The following ADGRL2 variants were observed in gnomAD, a reference collection of about 807,000 sequenced individuals.
The protein encoded by ADGRL2 is calcium-independent alpha-latrotoxin receptor 2.
In ADGRL2, 44 loss-of-function variants were observed where a neutral mutation model predicts 157.4. That is an observed-to-expected ratio of 0.28 (90% CI 0.22 to 0.36). The LOEUF (loss-of-function observed/expected upper bound fraction) is 0.36. ADGRL2 is among the 10% of genes least tolerant of loss of function. ADGRL2 has a pLI of 1.00. For missense variants in ADGRL2, 1,510 were observed against 1,768.9 expected (o/e 0.85, Z 2.63); for synonymous variants, 585 against 624.7 (o/e 0.94, Z 0.95).
At chr1:81,606,486 T>G (rs1274195880) in intron 3 of ADGRL2, among the ~76,000 whole-genome samples, 1 of 121,532 alleles carries the variant, frequency 8.2e-6, no homozygotes, top group Non-Finnish European at 1.7e-5. Flanking sequence ...GATACACAGG[T>G]TCATGCACAT....
intron 2 of ADGRL2, among the ~76,000 whole-genome samples, chr1:81,790,966 T>G (rs1263697897): frequency 2.2e-5 from 3 of 138,122 alleles, no homozygotes; most frequent in Non-Finnish European, 3.0e-5. Context: ...TTGTGGAGGA[T>G]GGGGTGGGAG....
intron 1 of ADGRL2, among the ~76,000 whole-genome samples, chr1:81,387,484 T>C (rs1166907204): frequency 6.6e-6 from 1 of 152,190 alleles, no homozygotes; most frequent in Non-Finnish European, 1.5e-5. Context: ...TAGAAGGCAC[T>C]GTTCACATGC....
At chr1:81,309,213 G>A (rs7553397) in intron 1 of ADGRL2, among the ~76,000 whole-genome samples, 87,177 of 151,766 alleles carry the variant, frequency 0.57, 25,487 homozygotes, top group Non-Finnish European at 0.64. Flanking sequence ...GAAGGATTCT[G>A]TAATACCGTA....
At chr1:81,797,887 T>G (rs1274650357), upstream of ADGRL2, among the ~76,000 whole-genome samples, 4 of 152,182 alleles carry the variant, frequency 2.6e-5, no homozygotes, top group Admixed American at 6.5e-5. Context: ...GAGTTCCTTC[T>G]GTTTTCTTTG....
intron 11 of ADGRL2, among the ~76,000 whole-genome samples, chr1:81,962,198 A>G (rs1655650482): frequency 6.6e-6 from 1 of 152,190 alleles, no homozygotes; most frequent in African/African-American, 2.4e-5. Context: ...ACACTTTATT[A>G]TTGACATAAC....
chr1:81,769,339 A>T (rs2086262421), intron 2 of ADGRL2, among the ~76,000 whole-genome samples: 1 of 152,120 alleles, frequency 6.6e-6, no homozygotes, highest in Non-Finnish European at 1.5e-5. Flanking sequence ...TTGCATTTCT[A>T]CATTTAAGTA....
At chr1:81,710,611 C>T (rs2083894625) in intron 1 of ADGRL2, among the ~76,000 whole-genome samples, 1 of 135,830 alleles carries the variant, frequency 7.4e-6, no homozygotes, top group Admixed American at 8.0e-5. Context: ...CAGAGAGAGA[C>T]TCTGCTCAAA....
chr1:81,801,160 A>T (rs1049872319), intron 1 of ADGRL2, among the ~76,000 whole-genome samples, 92 bp downstream of exon 1: 1 of 152,170 alleles, frequency 6.6e-6, no homozygotes, highest in African/African-American at 2.4e-5. Context: ...ATTGGGCGAC[A>T]ATGAGTTATA....
chr1:81,860,561 C>G (rs1180752409), intron 2 of ADGRL2, among the ~76,000 whole-genome samples: 1 of 152,068 alleles, frequency 6.6e-6, no homozygotes, highest in Non-Finnish European at 1.5e-5. Flanking sequence ...TGAGTTCAGT[C>G]ACTTAGATCT....
intron 3 of ADGRL2, among the ~76,000 whole-genome samples, chr1:81,936,324 T>C (rs2095309988): frequency 6.6e-6 from 1 of 151,924 alleles, no homozygotes; most frequent in South Asian, 2.1e-4. Flanking sequence ...TGTTTAGTTA[T>C]AGGACCATTT....
rs1487938499 is a variant in ADGRL2 at position 81,890,891 on chromosome 1, T to C, written c.74-16126T>C. ...ATTGTTCCCACAAAGGGGACAGAAT[T>C]TCTGTTATTCTCCTGGGCCGAGTGC... On this transcript the variant is annotated intron_variant, in intron 2 of 23. Coordinates refer to ENST00000686636, the MANE Select transcript of ADGRL2 (RefSeq NM_001366006.2). Among the ~76,000 whole-genome samples the C allele has an allele frequency of 2.6e-5, 4 of 152,236 alleles. No individual in the cohort carries two copies. In the East Asian group the frequency reaches 5.8e-4, roughly 22 times the overall value.
chr1:81,990,652 G>A lies in ADGRL2; in HGVS notation c.3917G>A (p.Ser1306Asn). 1 of 1,614,204 alleles carries A rather than the reference G, an allele frequency of 6.2e-7. No homozygotes were observed. Among genetic ancestry groups the A allele is most frequent in the South Asian group, 1.1e-5 (1 of 91,086 alleles). The change falls in exon 24 of 24, where the codon AGT becomes AAT. Residue 1306 changes from serine (S) to asparagine (N), a missense_variant. Around this residue, in one of 4 missense-constraint regions of ADGRL2, gnomAD observed 327 missense variants for 310.1 expected, o/e 1.05. Transcript: ENST00000686636. ...PVKPVIGGSS[S>N]EDDAIVADAS... is the part of the protein sequence containing the mutation. The stretch of plus-strand genomic sequence containing the variant: ...AAACCTGTGATTGGAGGTAGCAGCA[G>A]TGAAGATGATGCTATTGTGGCAGAT...
chr1:81,465,399 ATAAG>A (rs550397017), intron 2 of ADGRL2, among the ~76,000 whole-genome samples: 179 of 152,296 alleles, frequency 1.2e-3, no homozygotes, highest in African/African-American at 3.8e-3. Flanking sequence ...TAATATATAA[ATAAG>A]TAAAAGAAAC....
chr1:81,323,107 C>T (rs1324237908), intron 1 of ADGRL2, among the ~76,000 whole-genome samples: 1 of 152,192 alleles, frequency 6.6e-6, no homozygotes. Context: ...ATCTACCCAA[C>T]TTGGCCTCCC....
chr1:81,776,942 G>A (rs949369617), intron 2 of ADGRL2, among the ~76,000 whole-genome samples: 15 of 152,096 alleles, frequency 9.9e-5, no homozygotes, highest in African/African-American at 3.1e-4. Flanking sequence ...TAACACTGTC[G>A]CTAGCACAGT....
intron 3 of ADGRL2, among the ~76,000 whole-genome samples, chr1:81,925,490 C>T (rs762678407): frequency 8.1e-5 from 12 of 148,872 alleles, no homozygotes; most frequent in Non-Finnish European, 1.6e-4. Flanking sequence ...AGTATGTGAA[C>T]ATGAAAGTTG....
At chr1:81,936,593 T>G in intron 3 of ADGRL2, 135 bp from the exon 4 acceptor site, 2 of 496,362 alleles carry the variant, frequency 4.0e-6, no homozygotes, top group South Asian at 8.0e-5. Flanking sequence ...TAATGTAGAG[T>G]AACTTAACAT....
chr1:81,467,822 A>G (rs2101847571), intron 2 of ADGRL2, among the ~76,000 whole-genome samples: 1 of 152,224 alleles, frequency 6.6e-6, no homozygotes, highest in South Asian at 2.1e-4. Flanking sequence ...ATTGATTTTA[A>G]TAGAAAGGAA....
At chr1:81,363,968 C>T (rs2076021465) in intron 1 of ADGRL2, among the ~76,000 whole-genome samples, 1 of 152,138 alleles carries the variant, frequency 6.6e-6, no homozygotes, top group African/African-American at 2.4e-5. Flanking sequence ...TTCAAGTGAA[C>T]CACACTGCAA....
Sources: gnomAD v4.1 joint callset for allele counts (sites outside exome capture counted in the v4.1 genomes callset) on GRCh38, gnomAD v4.1.1 for gene constraint, gnomAD v4.1.1 regional missense constraint, MANE v1.5 for transcripts, NCBI Gene and HGNC (gene_info 2026-07-23, HGNC 2026-07-21) for gene names.